The following PHLPP2 variants were observed in gnomAD, a reference collection of about 807,000 sequenced individuals.
PHLPP2 encodes PH domain leucine-rich repeat-containing protein phosphatase 2.
A neutral mutation model predicts 124.9 loss-of-function variants in PHLPP2; 66 were observed. The ratio of observed to expected loss-of-function variants is 0.53; its 90% CI spans 0.43 to 0.65. The LOEUF (loss-of-function observed/expected upper bound fraction) is 0.65, where lower values mean the gene tolerates loss of function less well. Ranked by LOEUF, PHLPP2 falls within the 30% of genes least tolerant of loss-of-function variation. PHLPP2 has a pLI of 0.00. For missense variants in PHLPP2, 1,685 were observed against 1,600.4 expected (o/e 1.05, Z -0.90); for synonymous variants, 681 against 624.7 (o/e 1.09, Z -1.34).
At position 71,690,513 on chromosome 16, in the gene PHLPP2, T is replaced by A. The variant is rs1218560101; in HGVS notation, c.609+6A>T. On this transcript the variant is annotated splice_donor_region_variant and intron_variant, in intron 4 of 18. Transcript: ENST00000568954. ...ATGAAAAATAATTCATCTTTGTGAGTCTTACCTTTCCACCAACCAGAGGCA... is the reference window on the plus strand; with the variant it reads ...ATGAAAAATAATTCATCTTTGTGAGACTTACCTTTCCACCAACCAGAGGCA... 6.3e-7 allele frequency: 1 copy of A among 1,580,294 alleles called. No individual in the cohort carries two copies. The highest frequency in any genetic ancestry group is 8.7e-7 in the Non-Finnish European group (1 of 1,155,262).
At chr16:71,667,452 G>T (rs753748107) in intron 11 of PHLPP2, 119 bp from the exon 12 acceptor site, 2 of 748,324 alleles carry the variant, frequency 2.7e-6, no homozygotes, top group African/African-American at 1.8e-5. Context: ...CTCCTAGATT[G>T]TATACTCACT....
At chr16:71,710,363 C>T (rs2045315761) in intron 2 of PHLPP2, among the ~76,000 whole-genome samples, 1 of 152,068 alleles carries the variant, frequency 6.6e-6, no homozygotes, top group South Asian at 2.1e-4. Context: ...GAGTTATAGT[C>T]AAGTGATAAC....
intron 13 of PHLPP2, among the ~76,000 whole-genome samples, chr16:71,660,996 T>A (rs1178253756): frequency 6.6e-6 from 1 of 152,154 alleles, no homozygotes; most frequent in Non-Finnish European, 1.5e-5. Context: ...ATGTTGTTCC[T>A]GAATTCCATT....
chr16:71,650,330 A>T (rs2044687656), intron 18 of PHLPP2, among the ~76,000 whole-genome samples: 1 of 152,218 alleles, frequency 6.6e-6, no homozygotes, highest in Non-Finnish European at 1.5e-5. Context: ...GTATGTCTAT[A>T]AATAGAGAAA....
At chr16:71,682,418 G>C (rs2045009991) in intron 5 of PHLPP2, among the ~76,000 whole-genome samples, 1 of 151,842 alleles carries the variant, frequency 6.6e-6, no homozygotes, top group Non-Finnish European at 1.5e-5. Flanking sequence ...CCTGACCTCA[G>C]GTAATCCACC....
At position 71,681,670 on chromosome 16, in the gene PHLPP2, A is replaced by T. The variant is rs2044999712; in HGVS notation, c.890+81T>A. On this transcript the variant is annotated intron_variant, in intron 6 of 18. Coordinates refer to ENST00000568954, the MANE Select transcript of PHLPP2 (RefSeq NM_015020.3). ...AGGGGAAATTTTAGAATATACATACAATGGTAGCAGGTAGAAGCCATAAGA... is the reference window on the plus strand; with the variant it reads ...AGGGGAAATTTTAGAATATACATACTATGGTAGCAGGTAGAAGCCATAAGA... 4.6e-6 allele frequency: 5 copies of T among 1,091,222 alleles called. No individual in the cohort carries two copies. The Admixed American group carries it at 1.3e-4, about 29-fold the overall frequency. 67.6% of individuals were successfully genotyped at this position (1,091,222 alleles called of 1,614,324 possible).
At position 71,664,031 on chromosome 16, in the gene PHLPP2, C is replaced by T. The variant is rs901902346; in HGVS notation, c.1853G>A (p.Ser618Asn). The change falls in exon 13 of 19, where the codon AGT (serine) becomes AAT (asparagine). Residue 618 changes from serine (S) to asparagine (N), a missense_variant. Coordinates refer to ENST00000568954, the MANE Select transcript of PHLPP2 (RefSeq NM_015020.3). The part of the protein sequence containing the change: ...SLPSACTGEE[S>N]LSMLQLLYLT... ...ATAAAGCAGCTGCAGCATACTCAAACTCTCCTCTCCAGTGCAGGCGGATGG... is the reference window on the plus strand; with the variant it reads ...ATAAAGCAGCTGCAGCATACTCAAATTCTCCTCTCCAGTGCAGGCGGATGG... 5 of 1,614,012 alleles carry T rather than the reference C, an allele frequency of 3.1e-6. No homozygotes were observed. In the Admixed American group the frequency reaches 8.3e-5, roughly 27 times the overall value.
intron 1 of PHLPP2, among the ~76,000 whole-genome samples, chr16:71,718,821 A>G (rs2045380200): frequency 6.6e-6 from 1 of 152,250 alleles, no homozygotes; most frequent in African/African-American, 2.4e-5. Flanking sequence ...CTAAGAAGAT[A>G]AACTGCTAAG....
intron 1 of PHLPP2, 103 bp from the exon 2 acceptor site, chr16:71,714,904 CT>C: frequency 7.1e-7 from 1 of 1,399,800 alleles, no homozygotes; most frequent in South Asian, 1.5e-5. Flanking sequence ...CCCCAACATT[CT>C]GCTCAAGTAT....
chr16:71,653,165 A>C, intron 17 of PHLPP2, 144 bp from the exon 18 acceptor site: 1 of 605,794 alleles, frequency 1.7e-6, no homozygotes, highest in Non-Finnish European at 2.9e-6. Context: ...ACCTAAATGC[A>C]GACTTGCTGT....
chr16:71,681,563 A>G (rs1005023834), intron 6 of PHLPP2, among the ~76,000 whole-genome samples, 188 bp downstream of exon 6: 4 of 152,230 alleles, frequency 2.6e-5, no homozygotes, highest in Non-Finnish European at 5.9e-5. Flanking sequence ...CAGAACATTT[A>G]CATCAATCTT....
chr16:71,715,227 G>A (rs2045354387), intron 1 of PHLPP2: 1 of 175,394 alleles, frequency 5.7e-6, no homozygotes, highest in African/African-American at 2.4e-5. Flanking sequence ...AGGCATGGTG[G>A]CACACGCCTG....
intron 6 of PHLPP2, 32 bp from the exon 7 acceptor site, chr16:71,679,567 T>A: frequency 6.3e-7 from 1 of 1,577,282 alleles, no homozygotes; most frequent in Non-Finnish European, 8.7e-7. Context: ...GGGTATTGCA[T>A]TTCAATACAT....
intron 5 of PHLPP2, among the ~76,000 whole-genome samples, chr16:71,683,171 A>C (rs1426491713): frequency 6.7e-6 from 1 of 149,274 alleles, no homozygotes; most frequent in Admixed American, 6.7e-5. Context: ...TCTGTCTCCA[A>C]AAAAAAAAAG....
intron 1 of PHLPP2, chr16:71,715,505 A>C (rs2045356400): frequency 6.6e-6 from 1 of 150,808 alleles, no homozygotes; most frequent in African/African-American, 2.5e-5. Flanking sequence ...GTGAAACCCT[A>C]TCTCTACTAA....
intron 2 of PHLPP2, among the ~76,000 whole-genome samples, chr16:71,713,936 A>T (rs2045340161): frequency 6.7e-6 from 1 of 149,202 alleles, no homozygotes; most frequent in African/African-American, 2.4e-5. Context: ...AAAAAAAACA[A>T]CAACTTTTCT....
intron 1 of PHLPP2, among the ~76,000 whole-genome samples, chr16:71,715,823 C>CAAAAAAAAAA (rs71153656): frequency 1.1e-4 from 12 of 113,052 alleles, no homozygotes; most frequent in African/African-American, 3.3e-4. Flanking sequence ...ACTAAAAATA[C>CAAAAAAAAAA]AAAAAAAAAA....
chr16:71,717,665 T>C (rs1454324525), intron 1 of PHLPP2, among the ~76,000 whole-genome samples: 1 of 152,342 alleles, frequency 6.6e-6, no homozygotes, highest in Middle Eastern at 3.4e-3. Flanking sequence ...TTTTAAATAC[T>C]CCTCATTTTT....
Position 71,658,642 on chromosome 16 carries a change from C to T in PHLPP2, c.2148+11G>A. 6.2e-7 allele frequency: 1 copy of T among 1,612,608 alleles called. No individual in the cohort carries two copies. The highest frequency in any genetic ancestry group is 8.5e-7 in the Non-Finnish European group (1 of 1,178,984). On this transcript the variant is annotated intron_variant, in intron 14 of 18. Coordinates refer to ENST00000568954, the MANE Select transcript of PHLPP2 (RefSeq NM_015020.3). ...CCCCAATAAGGACATCATTCCAGCA[C>T]ACAGAAGTACCTGGATCTGAGGCAA...
Sources: allele counts gnomAD v4.1 joint callset (sites outside exome capture counted in the v4.1 genomes callset), GRCh38; gene constraint gnomAD v4.1.1; transcripts MANE v1.5; gene names NCBI Gene and HGNC (gene_info 2026-07-23, HGNC 2026-07-21).